Variants in PCDH15 observed in about 807,000 individuals in gnomAD.
PCDH15 encodes protocadherin-15.
PCDH15 carries 129 observed loss-of-function variants against 178.5 expected under a neutral mutation model. The ratio of observed to expected loss-of-function variants is 0.72; its 90% confidence interval spans 0.63 to 0.84. PCDH15 has a LOEUF of 0.84. PCDH15 is among the 40% of genes least tolerant of loss of function. The pLI is 0.00. For synonymous variants in PCDH15, 800 were observed against 732.0 expected (o/e 1.09, Z -1.50); for missense variants, 2,230 against 2,099.9 (o/e 1.06, Z -1.21).
chr10:53,876,376 C>T (rs1225282633), intron 26 of PCDH15, among the ~76,000 whole-genome samples: 1 of 151,932 alleles, frequency 6.6e-6, no homozygotes, highest in Non-Finnish European at 1.5e-5. Flanking sequence ...TTAGGAGAGA[C>T]GAAGTTTCGC....
intron 20 of PCDH15, among the ~76,000 whole-genome samples, chr10:54,018,686 C>A (rs1351200704): frequency 2.6e-5 from 4 of 152,056 alleles, no homozygotes; most frequent in African/African-American, 9.7e-5. Context: ...AATAGTATCA[C>A]CATGTAGTAG....
intron 1 of PCDH15, among the ~76,000 whole-genome samples, chr10:55,236,182 T>A (rs980422917): frequency 3.3e-5 from 5 of 152,020 alleles, no homozygotes; most frequent in African/African-American, 9.7e-5. Context: ...AAATGAAGTA[T>A]CTAGCAGACG....
intron 3 of PCDH15, among the ~76,000 whole-genome samples, chr10:54,506,111 A>G (rs1242266136): frequency 2.0e-5 from 3 of 152,166 alleles, no homozygotes; most frequent in Admixed American, 1.3e-4. Context: ...TGCACAGTTC[A>G]TGAATCAGAT....
At chr10:54,937,190 A>G (rs1451133989) in intron 2 of PCDH15, among the ~76,000 whole-genome samples, 1 of 151,850 alleles carries the variant, frequency 6.6e-6, no homozygotes, top group Non-Finnish European at 1.5e-5. Context: ...CTATGTCAAG[A>G]TCATACTTTT....
Position 53,970,672 on chromosome 10 carries a change from T to C in PCDH15, c.2869-8780A>G, listed in dbSNP as rs559529022. The stretch of plus-strand genomic sequence containing the variant: ...AATACTATAAACACCTCTATGCAAA[T>C]AAGCTAGAAAGTCTAGAAGAAATGG... On this transcript the variant is annotated intron_variant, in intron 21 of 37. Transcript: ENST00000644397. Among the ~76,000 whole-genome samples the C allele has an allele frequency of 3.3e-5, 5 of 152,080 alleles. No individual in the cohort carries two copies. The South Asian group carries it at 1.0e-3, about 32-fold the overall frequency.
intron 2 of PCDH15, among the ~76,000 whole-genome samples, chr10:55,593,193 C>T (rs967298767): frequency 6.6e-6 from 1 of 151,826 alleles, no homozygotes; most frequent in African/African-American, 2.4e-5. Flanking sequence ...AAAAGAAAAA[C>T]TGGTATGTTA....
intron 18 of PCDH15, among the ~76,000 whole-genome samples, chr10:54,033,140 T>G (rs2093339243): frequency 6.6e-6 from 1 of 151,918 alleles, no homozygotes; most frequent in Admixed American, 6.6e-5. Context: ...TTTAAGGAAA[T>G]CTATTTCTAG....
chr10:54,858,337 G>A (rs977781350), intron 3 of PCDH15, among the ~76,000 whole-genome samples: 9 of 152,064 alleles, frequency 5.9e-5, no homozygotes, highest in Non-Finnish European at 1.2e-4. Context: ...TTGATTCCAC[G>A]TCGCTGCTAT....
chr10:55,461,566 G>A lies in PCDH15; in HGVS notation c.-156+166059C>T, dbSNP rs1016802086. On this transcript the variant is annotated intron_variant, in intron 2 of 5. Transcript: ENST00000613346. ...TGATCTTATTTCTAGCTGTCTTCTGGGGCTCATTTTATAATAAAACCATTC... is the reference window on the plus strand; with the variant it reads ...TGATCTTATTTCTAGCTGTCTTCTGAGGCTCATTTTATAATAAAACCATTC... 2.6e-5 allele frequency among the ~76,000 whole-genome samples: 4 copies of A among 151,840 alleles called. No individual in the cohort carries two copies. In the East Asian group the frequency reaches 5.8e-4, roughly 22 times the overall value.
chr10:53,919,389 G>C (rs7089258), intron 25 of PCDH15, among the ~76,000 whole-genome samples: 105,182 of 152,100 alleles, frequency 0.69, 36,975 homozygotes, highest in East Asian at 1. Flanking sequence ...TACAAATATG[G>C]GAGCTCTCAA....
At position 53,968,020 on chromosome 10, in the gene PCDH15, G is replaced by C. The variant is rs7907348; in HGVS notation, c.2869-6128C>G. ...GGGTTCATCTCACTGGGGCTTGTTGGACAGTGGGTGCAGCCCATGGAGCAG... is the reference window on the plus strand; with the variant it reads ...GGGTTCATCTCACTGGGGCTTGTTGCACAGTGGGTGCAGCCCATGGAGCAG... On this transcript the variant is annotated intron_variant, in intron 21 of 37. Coordinates refer to ENST00000644397, the MANE Select transcript of PCDH15 (RefSeq NM_001384140.1). Among the ~76,000 whole-genome samples, 582 of 152,000 alleles carry C rather than the reference G, an allele frequency of 3.8e-3. 1 individual carries two copies. The highest frequency in any genetic ancestry group is 6.8e-3 in the Middle Eastern group (2 of 292).
chr10:54,818,006 C>T (rs1952976102), intron 3 of PCDH15, among the ~76,000 whole-genome samples: 2 of 151,960 alleles, frequency 1.3e-5, no homozygotes, highest in African/African-American at 4.8e-5. Flanking sequence ...TATAACCTCC[C>T]TGATCTTAGC....
At chr10:55,485,712 T>G (rs1840280499) in intron 2 of PCDH15, among the ~76,000 whole-genome samples, 1 of 151,528 alleles carries the variant, frequency 6.6e-6, no homozygotes. Flanking sequence ...AGTATAGCCA[T>G]TATGGAAAAA....
intron 2 of PCDH15, among the ~76,000 whole-genome samples, chr10:55,036,082 C>T (rs932714328): frequency 2.0e-5 from 3 of 152,100 alleles, no homozygotes; most frequent in Non-Finnish European, 2.9e-5. Flanking sequence ...GGTCAGAGGG[C>T]TCCACTCTCA....
intron 3 of PCDH15, among the ~76,000 whole-genome samples, chr10:54,387,878 G>T (rs751968809): frequency 5.9e-5 from 9 of 152,138 alleles, no homozygotes; most frequent in African/African-American, 1.7e-4. Flanking sequence ...GCAGGACCTA[G>T]ACCAAATCCC....
intron 2 of PCDH15, among the ~76,000 whole-genome samples, chr10:55,072,674 G>C (rs1591879644): frequency 1.3e-5 from 2 of 152,114 alleles, no homozygotes; most frequent in Middle Eastern, 6.8e-3. Context: ...GAGGTACAAG[G>C]AGGAACTGGT....
intron 3 of PCDH15, among the ~76,000 whole-genome samples, chr10:54,490,667 G>A (rs2079514816): frequency 6.6e-6 from 1 of 152,030 alleles, no homozygotes; most frequent in South Asian, 2.1e-4. Flanking sequence ...CCGATCCGCT[G>A]AATCAGAATG....
At chr10:55,143,474 A>G (rs988553431) in intron 2 of PCDH15, among the ~76,000 whole-genome samples, 6 of 152,150 alleles carry the variant, frequency 3.9e-5, no homozygotes, top group African/African-American at 2.4e-5. Flanking sequence ...GTATCATGAC[A>G]CATCCATCTA....
At position 53,982,182 on chromosome 10, in the gene PCDH15, A is replaced by G. The variant is rs913593911; in HGVS notation, c.2868+13467T>C. Among the ~76,000 whole-genome samples, 52 of 152,170 alleles carry G rather than the reference A, an allele frequency of 3.4e-4. 1 individual carries two copies. In the East Asian group the frequency reaches 4.1e-3, roughly 12 times the overall value. On this transcript the variant is annotated intron_variant, in intron 21 of 37. Coordinates refer to ENST00000644397, the MANE Select transcript of PCDH15 (RefSeq NM_001384140.1). Reference sequence around the variant, plus strand: ...AAGTCAGGAAACAACAGGTGCTGGAAAGGATGTGGAGAAATAGGAACACTT... The same window carrying G: ...AAGTCAGGAAACAACAGGTGCTGGAGAGGATGTGGAGAAATAGGAACACTT...
Sources: gnomAD v4.1 joint callset for allele counts (sites outside exome capture counted in the v4.1 genomes callset) on GRCh38, gnomAD v4.1.1 for gene constraint, MANE v1.5 for transcripts, NCBI Gene and HGNC (gene_info 2026-07-23, HGNC 2026-07-21) for gene names.